Variants in PNPLA8 observed in about 807,000 individuals in gnomAD.
PNPLA8 encodes patatin like domain 8, phospholipase A2.
A neutral mutation model predicts 76.9 loss-of-function variants in PNPLA8; 39 were observed. The observed-to-expected ratio is 0.51, with a 90% confidence interval of 0.39 to 0.66. The LOEUF (loss-of-function observed/expected upper bound fraction) is 0.66, where lower values mean the gene tolerates loss of function less well. PNPLA8 is among the 30% of genes least tolerant of loss of function. The pLI, the probability that PNPLA8 is intolerant of heterozygous loss-of-function variation, is 0.00. For synonymous variants in PNPLA8, 301 were observed against 307.9 expected (o/e 0.98, Z 0.24); for missense variants, 887 against 918.0 (o/e 0.97, Z 0.44).
At chr7:108,497,260 A>C (rs916751761) in intron 6 of PNPLA8, among the ~76,000 whole-genome samples, 1 of 152,296 alleles carries the variant, frequency 6.6e-6, no homozygotes, top group Middle Eastern at 3.4e-3. Context: ...ATGTCCTTTT[A>C]AACAGCTGAT....
chr7:108,510,761 T>A (rs973693903), intron 4 of PNPLA8: 2 of 1,601,698 alleles, frequency 1.2e-6, no homozygotes, highest in African/African-American at 2.7e-5. Context: ...GATTGCTCGA[T>A]CTCTTGGTAA....
At chr7:108,506,727 A>T (rs1862458708) in intron 4 of PNPLA8, among the ~76,000 whole-genome samples, 1 of 152,138 alleles carries the variant, frequency 6.6e-6, no homozygotes, top group Admixed American at 6.5e-5. Flanking sequence ...AAAACCAGAC[A>T]TATAAGAACA....
At chr7:108,524,593 G>T (rs1222065707) in intron 1 of PNPLA8, among the ~76,000 whole-genome samples, 1 of 152,232 alleles carries the variant, frequency 6.6e-6, no homozygotes, top group Non-Finnish European at 1.5e-5. Flanking sequence ...GGGAGGCCGA[G>T]GCGGGCGGAT....
At chr7:108,486,235 G>C (rs948730158) in intron 9 of PNPLA8, among the ~76,000 whole-genome samples, 2 of 152,022 alleles carry the variant, frequency 1.3e-5, no homozygotes, top group Non-Finnish European at 2.9e-5. Context: ...TTTAGTATTT[G>C]AGACTTTCAC....
In PNPLA8 at chr7:108,501,693, G is replaced by A. The variant is rs112287109; in HGVS notation, c.1358+798C>T. On this transcript the variant is annotated intron_variant, in intron 5 of 10. Transcript: ENST00000257694. ...CAAAAAATTAGCCAGGCATGGTGGT[G>A]GACACCTATAATCCCAGCTGCTTCG... is the stretch of plus-strand genomic sequence containing the variant. Among the ~76,000 whole-genome samples, 324 of 152,188 alleles carry A rather than the reference G, an allele frequency of 2.1e-3. 1 individual carries two copies. Among genetic ancestry groups the A allele is most frequent in the African/African-American group, 7.0e-3 (292 of 41,522 alleles).
intron 4 of PNPLA8, among the ~76,000 whole-genome samples, chr7:108,512,509 A>T (rs115506590): frequency 6.6e-6 from 1 of 151,998 alleles, no homozygotes; most frequent in South Asian, 2.1e-4. Flanking sequence ...ATTTTTTTTT[A>T]GGGCATTACG....
intron 2 of PNPLA8, among the ~76,000 whole-genome samples, chr7:108,520,343 GCT>G (rs1379141713): frequency 6.6e-6 from 1 of 152,130 alleles, no homozygotes; most frequent in Non-Finnish European, 1.5e-5. Context: ...AAAAAGCCAT[GCT>G]CTGTTTTCAC....
chr7:108,520,731 A>T (rs925365142), intron 2 of PNPLA8, among the ~76,000 whole-genome samples: 1 of 151,354 alleles, frequency 6.6e-6, no homozygotes, highest in Non-Finnish European at 1.5e-5. Flanking sequence ...TATATCATTT[A>T]AAAAAAAATT....
chr7:108,523,852 T>G (rs1440283575), intron 1 of PNPLA8, among the ~76,000 whole-genome samples: 1 of 152,018 alleles, frequency 6.6e-6, no homozygotes, highest in East Asian at 1.9e-4. Flanking sequence ...TCTGAACACT[T>G]TGAAAGTAAG....
intron 4 of PNPLA8, among the ~76,000 whole-genome samples, chr7:108,512,378 G>C (rs1862997340): frequency 6.6e-6 from 1 of 151,956 alleles, no homozygotes. Context: ...AACAGTCAAA[G>C]TTCTTCTTTT....
chr7:108,526,126 C>A lies in PNPLA8; in HGVS notation c.-227G>T, dbSNP rs1036448634. On this transcript the variant is annotated 5_prime_UTR_variant, in exon 1 of 11. Transcript: ENST00000257694. The stretch of plus-strand genomic sequence containing the variant: ...CGGCCTGCATCAGCTGAGCTTCCAA[C>A]ACAAACACTGGCGCAGCAGCTAGGT... 2.0e-6 allele frequency: 2 copies of A among 982,896 alleles called. No individual in the cohort carries two copies. Among genetic ancestry groups the A allele is most frequent in the African/African-American group, 1.7e-5 (1 of 57,312 alleles). The allele number at this position is 982,896 out of a possible 1,614,324, so 60.9% of individuals were successfully genotyped here.
rs1265146473 is a variant in PNPLA8 at position 108,471,023 on chromosome 7, G to C, written c.*1378C>G. The C allele has an allele frequency of 1.3e-5, 2 of 152,046 alleles. No homozygotes were observed. Among genetic ancestry groups the C allele is most frequent in the Non-Finnish European group, 2.9e-5 (2 of 68,016 alleles). 9.4% of individuals were successfully genotyped at this position (152,046 alleles called of 1,614,324 possible). A position where few individuals can be genotyped will look rare whatever the true frequency, so the allele number is the denominator to read the frequency against. On this transcript the variant is annotated 3_prime_UTR_variant, in exon 11 of 11. Transcript: ENST00000257694. ...CTTTAGTTTGTATGTCTAAAACAAG[G>C]GGCGCTAACCTTTGTTTCATTTTTC...
chr7:108,514,740 G>C lies in PNPLA8; in HGVS notation c.752C>G (p.Pro251Arg), dbSNP rs763477253. ...VEEGKLRSPD[P>R]GILAYKPGSE... ...GCCTGGCTTATAAGCCAGGATGCCA[G>C]GATCTGGAGATCTTAATTTCCCCTC... Residue 251 changes from proline to arginine, a missense_variant, in exon 3 of 11, where the codon CCT becomes CGT. Physicochemically the swap from Pro to Arg is moderately radical, Grantham distance 103. Transcript: ENST00000257694. 3 of 1,613,360 alleles carry C rather than the reference G, an allele frequency of 1.9e-6. No homozygotes were observed. The highest frequency in any genetic ancestry group is 2.5e-6 in the Non-Finnish European group (3 of 1,179,534).
At chr7:108,475,111 G>A (rs993705707) in intron 10 of PNPLA8, among the ~76,000 whole-genome samples, 9 of 152,032 alleles carry the variant, frequency 5.9e-5, no homozygotes, top group South Asian at 2.1e-4. Flanking sequence ...TCTAGGTTGC[G>A]TGCTCCTTAG....
rs574190162 is a variant in PNPLA8, at chr7:108,515,938, C to T, written c.-83-364G>A. 3.7e-4 allele frequency among the ~76,000 whole-genome samples: 56 copies of T among 152,250 alleles called. No individual in the cohort carries two copies. The South Asian group carries it at 0.011, about 31-fold the overall frequency. The stretch of plus-strand genomic sequence containing the variant: ...CTGGACTACTTTATGTGACACTAGA[C>T]TTTAATTCCTTGAAGAAAAAGGTCA... On this transcript the variant is annotated intron_variant, in intron 2 of 10. Transcript: ENST00000257694.
At chr7:108,488,345 C>T (rs1860899828) in intron 8 of PNPLA8, among the ~76,000 whole-genome samples, 1 of 152,154 alleles carries the variant, frequency 6.6e-6, no homozygotes, top group Non-Finnish European at 1.5e-5. Context: ...TTTGGGAGGC[C>T]AAGGAGGGTG....
chr7:108,482,053 A>T (rs550527968), intron 9 of PNPLA8, among the ~76,000 whole-genome samples: 18 of 152,248 alleles, frequency 1.2e-4, no homozygotes, highest in African/African-American at 4.3e-4. Flanking sequence ...TCTCTATTTA[A>T]TTCTATTTAT....
chr7:108,516,327 T>C (rs1034319602), intron 2 of PNPLA8, among the ~76,000 whole-genome samples: 28 of 152,316 alleles, frequency 1.8e-4, no homozygotes, highest in African/African-American at 5.8e-4. Flanking sequence ...ATACAGTTAA[T>C]TGATCTTTGA....
intron 1 of PNPLA8, among the ~76,000 whole-genome samples, chr7:108,524,150 G>A (rs1376531873): frequency 6.6e-6 from 1 of 152,140 alleles, no homozygotes; most frequent in East Asian, 1.9e-4. Context: ...AACATTAGAC[G>A]TATTTACCAG....
Sources: allele counts gnomAD v4.1 joint callset (sites outside exome capture counted in the v4.1 genomes callset), GRCh38; gene constraint gnomAD v4.1.1; transcripts MANE v1.5; gene names NCBI Gene and HGNC (gene_info 2026-07-23, HGNC 2026-07-21).